SH3D19: variants seen among roughly 807,000 people sequenced by gnomAD.
The protein encoded by SH3D19 is SH3 domain-containing protein 19.
Under a neutral mutation model 112.1 loss-of-function variants are expected in SH3D19, and 58 were observed. The observed-to-expected ratio is 0.52, with a 90% confidence interval of 0.42 to 0.64. The LOEUF is 0.64. Among genes scored for constraint, SH3D19 ranks in the 30% least tolerant of loss-of-function variants. The pLI is 0.00. For missense variants in SH3D19, 1,090 were observed against 1,263.4 expected (o/e 0.86, Z 2.08); for synonymous variants, 391 against 448.5 (o/e 0.87, Z 1.62).
intron 6 of SH3D19, 106 bp downstream of exon 6, chr4:151,176,428 C>T: frequency 1.2e-6 from 1 of 859,954 alleles, no homozygotes; most frequent in Non-Finnish European, 1.5e-6. Context: ...GGCAGCAGAG[C>T]TCAATGAATT....
At chr4:151,258,932 G>A (rs1043744176) in intron 1 of SH3D19, among the ~76,000 whole-genome samples, 42 of 146,560 alleles carry the variant, frequency 2.9e-4, no homozygotes, top group Non-Finnish European at 7.7e-5. Flanking sequence ...TGGGGATTTC[G>A]GGTGAGCCCC....
chr4:151,190,416 T>C (rs1184509603), intron 2 of SH3D19, among the ~76,000 whole-genome samples: 2 of 152,180 alleles, frequency 1.3e-5, no homozygotes, highest in Admixed American at 1.3e-4. Context: ...ACAGGTCTTC[T>C]TGGCGGCTCC....
At chr4:151,184,991 G>C (rs1761521680) in intron 3 of SH3D19, among the ~76,000 whole-genome samples, 1 of 142,832 alleles carries the variant, frequency 7.0e-6, no homozygotes, top group East Asian at 2.0e-4. Flanking sequence ...TGATTCACCT[G>C]TTCCTTTTAA....
chr4:151,258,710 G>T (rs1387924143), intron 1 of SH3D19, among the ~76,000 whole-genome samples: 6 of 152,172 alleles, frequency 3.9e-5, no homozygotes, highest in Non-Finnish European at 8.8e-5. Context: ...TCTGAAGTCT[G>T]GTCCCTTCAG....
intron 1 of SH3D19, among the ~76,000 whole-genome samples, chr4:151,237,923 T>C (rs1580301509): frequency 6.6e-6 from 1 of 152,330 alleles, no homozygotes; most frequent in East Asian, 1.9e-4. Flanking sequence ...GTTCAGCCTA[T>C]TTTTCCTTTT....
At chr4:151,137,090 C>CA (rs899935045) in intron 14 of SH3D19, among the ~76,000 whole-genome samples, 1 of 152,180 alleles carries the variant, frequency 6.6e-6, no homozygotes, top group Non-Finnish European at 1.5e-5. Flanking sequence ...CCATGTTTCA[C>CA]ACAGCCATCT....
chr4:151,294,556 A>G (rs13148086), intron 1 of SH3D19, among the ~76,000 whole-genome samples: 52,591 of 152,146 alleles, frequency 0.35, 10,505 homozygotes, highest in Middle Eastern at 0.44. Flanking sequence ...TTAGCCCAGC[A>G]TGTTACCCAA....
intron 1 of SH3D19, among the ~76,000 whole-genome samples, chr4:151,230,177 T>G (rs187001910): frequency 3.3e-5 from 5 of 152,332 alleles, no homozygotes; most frequent in African/African-American, 1.2e-4. Flanking sequence ...GTTTATGTAT[T>G]TAGGTGTTAC....
At chr4:151,205,655 T>TA (rs1765002812) in intron 2 of SH3D19, among the ~76,000 whole-genome samples, 1 of 152,254 alleles carries the variant, frequency 6.6e-6, no homozygotes, top group Non-Finnish European at 1.5e-5. Flanking sequence ...TAAATTCATT[T>TA]AATAAGAATC....
intron 2 of SH3D19, among the ~76,000 whole-genome samples, chr4:151,197,790 A>G (rs2149877265): frequency 6.6e-6 from 1 of 152,366 alleles, no homozygotes; most frequent in African/African-American, 2.4e-5. Flanking sequence ...AAAAGTAAAA[A>G]CAAATACATA....
At chr4:151,267,288 T>C (rs1025560537) in intron 1 of SH3D19, among the ~76,000 whole-genome samples, 3 of 152,116 alleles carry the variant, frequency 2.0e-5, no homozygotes, top group African/African-American at 7.2e-5. Flanking sequence ...TGAGCTGTGA[T>C]TGCGCCACTA....
At position 151,207,059 on chromosome 4, in the gene SH3D19, TAG is replaced by T. The variant is rs969009057; in HGVS notation, c.152+18986_152+18987del. Among the ~76,000 whole-genome samples, 8 of 152,182 alleles carry T rather than the reference TAG, an allele frequency of 5.3e-5. No homozygotes were observed. In the South Asian group the frequency reaches 6.2e-4, roughly 12 times the overall value. ...GAAAAAACTTGATTAGCATACCTTA[TAG>T]GATAGAGTTCTATCAGCTATGGCCA... On this transcript the variant is annotated intron_variant, in intron 2 of 19. Transcript: ENST00000604030.
At chr4:151,143,655 C>T (rs535643309) in intron 12 of SH3D19, among the ~76,000 whole-genome samples, 7 of 151,260 alleles carry the variant, frequency 4.6e-5, no homozygotes, top group East Asian at 1.9e-4. Flanking sequence ...GACATAATCT[C>T]GCTCTATGGC....
chr4:151,209,485 G>A (rs1342690375), intron 2 of SH3D19, among the ~76,000 whole-genome samples: 1 of 151,848 alleles, frequency 6.6e-6, no homozygotes, highest in African/African-American at 2.4e-5. Flanking sequence ...TCACCATGTT[G>A]GCCAGGCTGG....
intron 1 of SH3D19, among the ~76,000 whole-genome samples, chr4:151,240,331 A>T (rs1580306575): frequency 2.6e-5 from 4 of 151,930 alleles, no homozygotes; most frequent in Admixed American, 2.6e-4. Context: ...GGATCCCTTA[A>T]ACCCAGGAAT....
In SH3D19 at chr4:151,195,327, G is replaced by A. The variant is rs61070819; in HGVS notation, c.153-7864C>T. Among the ~76,000 whole-genome samples, 178 of 121,490 alleles carry A rather than the reference G, an allele frequency of 1.5e-3. 2 individuals carry two copies. In the East Asian group the frequency reaches 0.037, roughly 25 times the overall value. 79.7% of individuals were successfully genotyped at this position (121,490 alleles called of 152,430 possible). On this transcript the variant is annotated intron_variant, in intron 2 of 19. Transcript: ENST00000604030. ...GCGGAGCGTGCAGTGAGCCCAGATC[G>A]CCCCACTGCACTCCAGCCTGGTGGA...
At chr4:151,240,132 CAATGT>C (rs1343912535) in intron 1 of SH3D19, among the ~76,000 whole-genome samples, 2 of 151,678 alleles carry the variant, frequency 1.3e-5, no homozygotes, top group Non-Finnish European at 2.9e-5. Flanking sequence ...TAGCTGGGCA[CAATGT>C]TATGGGCCTG....
chr4:151,230,096 G>T (rs867992443), intron 1 of SH3D19, among the ~76,000 whole-genome samples: 2 of 152,184 alleles, frequency 1.3e-5, no homozygotes. Flanking sequence ...TTCTGTGTAA[G>T]AACTCCAGAT....
Position 151,262,141 on chromosome 4 carries a change from C to T in SH3D19, c.113-36055G>A, listed in dbSNP as rs79615260. 6.2e-3 allele frequency among the ~76,000 whole-genome samples: 948 copies of T among 152,274 alleles called. 4 individuals are homozygous for T. The highest frequency in any genetic ancestry group is 0.01 in the Middle Eastern group (3 of 294). Reference sequence around the variant, plus strand: ...GCCAACTGCCCACGGTCTTGTTCAGCGCCAGGGAGCTCAGCCTTTAGGTTG... The same window carrying T: ...GCCAACTGCCCACGGTCTTGTTCAGTGCCAGGGAGCTCAGCCTTTAGGTTG... On this transcript the variant is annotated intron_variant, in intron 1 of 19. Transcript: ENST00000604030.
Sources: gnomAD v4.1 joint callset for allele counts (sites outside exome capture counted in the v4.1 genomes callset) on GRCh38, gnomAD v4.1.1 for gene constraint, MANE v1.5 for transcripts, NCBI Gene and HGNC (gene_info 2026-07-23, HGNC 2026-07-21) for gene names.